The following CARS1 variants were observed in gnomAD, a reference collection of about 807,000 sequenced individuals.
CARS1 encodes the protein cysteinyl-tRNA synthetase 1, also known as cysteine--tRNA ligase, cytoplasmic.
In CARS1, 48 loss-of-function variants were observed where a neutral mutation model predicts 106.2. The ratio of observed to expected loss-of-function variants is 0.45; its 90% CI spans 0.36 to 0.57. The LOEUF (loss-of-function observed/expected upper bound fraction) is 0.57. Ranked by LOEUF, CARS1 falls within the 20% of genes least tolerant of loss-of-function variation. CARS1 has a pLI of 0.00. For synonymous variants in CARS1, 409 were observed against 403.4 expected, an observed-to-expected ratio of 1.01 and a Z score of -0.17; for missense variants, 968 against 1,057.2, an observed-to-expected ratio of 0.92 and a Z score of 1.17.
intron 20 of CARS1, among the ~76,000 whole-genome samples, chr11:3,005,107 C>CAAAA (rs71035465): frequency 6.6e-5 from 6 of 90,676 alleles, no homozygotes; most frequent in African/African-American, 1.4e-4. Context: ...GACTCCGTCT[C>CAAAA]AAAAAAAAAA....
At chr11:3,035,720 A>C (rs1853526011) in intron 7 of CARS1, among the ~76,000 whole-genome samples, 1 of 152,218 alleles carries the variant, frequency 6.6e-6, no homozygotes, top group African/African-American at 2.4e-5. Flanking sequence ...TCCTGGGCTC[A>C]AGTGATCCTC....
intron 19 of CARS1, among the ~76,000 whole-genome samples, chr11:3,006,540 A>C (rs775523386): frequency 1.3e-5 from 2 of 152,272 alleles, no homozygotes; most frequent in African/African-American, 4.8e-5. Flanking sequence ...ACAAGCATGC[A>C]ATCTGTTGAC....
intron 20 of CARS1, 58 bp from the exon 21 acceptor site, chr11:3,002,658 C>G (rs1055384073): frequency 1.9e-6 from 3 of 1,608,352 alleles, no homozygotes; most frequent in Admixed American, 1.7e-5. Flanking sequence ...CTGGGTCTCT[C>G]GGAGTGAGAG....
At chr11:3,011,790 C>G (rs992956950) in intron 18 of CARS1, among the ~76,000 whole-genome samples, 12 of 152,206 alleles carry the variant, frequency 7.9e-5, no homozygotes, top group African/African-American at 2.7e-4. Context: ...GCGCACCCAG[C>G]CTACCAGGTC....
In CARS1 at chr11:3,040,607, G is replaced by A; in HGVS notation, c.455+289C>T. On this transcript the variant is annotated intron_variant, in intron 4 of 22. Transcript: ENST00000380525. This position sits in a 1 kb window ranked among gnomAD's most constrained non-coding sequence, Gnocchi z 5.8. ...CTTGAGGGATGAGAGAAAACTTTAA[G>A]GTATGTGAGAAAAAGTGCCCAGGTC... 1.7e-6 allele frequency: 1 copy of A among 594,540 alleles called. No individual in the cohort carries two copies. Among genetic ancestry groups the A allele is most frequent in the Non-Finnish European group, 3.1e-6 (1 of 317,730 alleles). The allele number at this position is 594,540 out of a possible 1,614,324, so 36.8% of individuals were successfully genotyped here. A position where few individuals can be genotyped will look rare whatever the true frequency, so the allele number is the denominator to read the frequency against.
chr11:3,031,895 A>G (rs763910858), intron 7 of CARS1, among the ~76,000 whole-genome samples: 1 of 152,226 alleles, frequency 6.6e-6, no homozygotes, highest in Non-Finnish European at 1.5e-5. Context: ...CTCACAGTGA[A>G]TATTGGAGAA....
chr11:3,007,188 C>T (rs1221926219), intron 18 of CARS1: 7 of 579,242 alleles, frequency 1.2e-5, no homozygotes, highest in African/African-American at 3.7e-5. Flanking sequence ...TAGTGTCTCC[C>T]GTAAGCCCAG....
chr11:3,049,467 G>T (rs1308317243), intron 1 of CARS1, among the ~76,000 whole-genome samples: 1 of 152,242 alleles, frequency 6.6e-6, no homozygotes, highest in Non-Finnish European at 1.5e-5. Flanking sequence ...CCCTAAAGTG[G>T]GGGCAGACCA....
chr11:3,057,399 A>C lies in CARS1; in HGVS notation c.-32T>G. ...GAATCCCGGACCCGCAGCTGCGGCT[A>C]CAGACACTTCCTAGAATCTGATGCA... On this transcript the variant is annotated 5_prime_UTR_variant, in exon 1 of 23. Transcript: ENST00000380525. The C allele has an allele frequency of 6.2e-7, 1 of 1,604,228 alleles. No homozygotes were observed. The highest frequency in any genetic ancestry group is 8.5e-7 in the Non-Finnish European group (1 of 1,174,282).
At chr11:3,006,840 T>A (rs760412119) in intron 19 of CARS1, 39 bp downstream of exon 19, 1 of 1,528,584 alleles carries the variant, frequency 6.5e-7, no homozygotes, top group South Asian at 1.1e-5. Flanking sequence ...CTCTCCAAGC[T>A]CCTGGTAACT....
Position 3,019,801 on chromosome 11 carries a change from A to T in CARS1, c.1266+419T>A, listed in dbSNP as rs1300441792. Among the ~76,000 whole-genome samples the T allele has an allele frequency of 6.6e-6, 1 of 152,008 alleles. No individual in the cohort carries two copies. Among genetic ancestry groups the T allele is most frequent in the Admixed American group, 6.5e-5 (1 of 15,274 alleles). On this transcript the variant is annotated intron_variant, in intron 11 of 22. Coordinates refer to ENST00000380525, the MANE Select transcript of CARS1 (RefSeq NM_001014437.3). This position sits in a 1 kb window ranked among gnomAD's most constrained non-coding sequence, Gnocchi z 6.2. ...GGTTTAGGTGAAGTTACTGAATTAC[A>T]TCCAGACCTCTGAGCCCTTGACAGC...
chr11:3,029,257 G>T lies in CARS1; in HGVS notation c.942+46C>A, dbSNP rs1447633459. ...GCCAAAACAGGAATTTAGAAATCAG[G>T]GCCCTTAGCGCAAGAGAGCCAGCAC... On this transcript the variant is annotated intron_variant, in intron 8 of 22. Transcript: ENST00000380525. This position sits in a 1 kb window ranked among gnomAD's most constrained non-coding sequence, Gnocchi z 5.9. The T allele has an allele frequency of 6.3e-7, 1 of 1,599,358 alleles. No homozygotes were observed. The highest frequency in any genetic ancestry group is 1.7e-5 in the Admixed American group (1 of 59,286).
chr11:3,018,900 G>C (rs1198173158), intron 12 of CARS1, 151 bp from the exon 13 acceptor site: 1 of 1,178,284 alleles, frequency 8.5e-7, no homozygotes, highest in Admixed American at 2.7e-5. Context: ...GACAGCCCAG[G>C]TTAATAAGCC....
In CARS1 at chr11:3,028,030, T is replaced by G. The variant is rs150257528; in HGVS notation, c.1031+966A>C. ...CGGTCACGCTCCTAGTCCTCCTTCA[T>G]GTTCCATCCTGTACACCTGGCTCTA... On this transcript the variant is annotated intron_variant, in intron 9 of 22. Transcript: ENST00000380525. This position sits in a 1 kb window ranked among gnomAD's most constrained non-coding sequence, Gnocchi z 4.4. The G allele has an allele frequency of 7.7e-3, 2,559 of 331,264 alleles. 59 individuals are homozygous for G. Among genetic ancestry groups the G allele is most frequent in the African/African-American group, 0.05 (2,367 of 46,914 alleles). 20.5% of individuals were successfully genotyped at this position (331,264 alleles called of 1,614,324 possible). A position where few individuals can be genotyped will look rare whatever the true frequency, so the allele number is the denominator to read the frequency against.
In CARS1 at chr11:3,047,733, G is replaced by A. The variant is rs201790699; in HGVS notation, c.274+20C>T. The A allele has an allele frequency of 3.1e-6, 5 of 1,594,616 alleles. No homozygotes were observed. The African/African-American group carries it at 4.0e-5, about 13-fold the overall frequency. On this transcript the variant is annotated intron_variant, in intron 2 of 22. Coordinates refer to ENST00000380525, the MANE Select transcript of CARS1 (RefSeq NM_001014437.3). ...TGGGAGAGAGGTTCTAATGGCCAGGGAACCCACTCTGTTACTCACTTGCTT... is the reference window on the plus strand; with the variant it reads ...TGGGAGAGAGGTTCTAATGGCCAGGAAACCCACTCTGTTACTCACTTGCTT...
chr11:3,052,762 G>C lies in CARS1; in HGVS notation c.25+4581C>G, dbSNP rs1270723473. Reference sequence around the variant, plus strand: ...TGTCTCGAGGAAACAAATAAAAATAGGTCAGCTTTCAAGTGGTCATGGGTT... The same window carrying C: ...TGTCTCGAGGAAACAAATAAAAATACGTCAGCTTTCAAGTGGTCATGGGTT... On this transcript the variant is annotated intron_variant, in intron 1 of 22. Coordinates refer to ENST00000380525, the MANE Select transcript of CARS1 (RefSeq NM_001014437.3). This position sits in a 1 kb window ranked among gnomAD's most constrained non-coding sequence, Gnocchi z 4.6. 2.6e-5 allele frequency among the ~76,000 whole-genome samples: 4 copies of C among 152,340 alleles called. No individual in the cohort carries two copies. Among genetic ancestry groups the C allele is most frequent in the African/African-American group, 9.6e-5 (4 of 41,580 alleles).
chr11:3,027,922 C>T, intron 9 of CARS1: 1 of 450,762 alleles, frequency 2.2e-6, no homozygotes, highest in Non-Finnish European at 4.4e-6. Context: ...GCTCCTCCAC[C>T]TCTTGTGGAG....
Position 3,047,897 on chromosome 11 carries a change from A to G in CARS1, c.130T>C (p.Ser44Pro). Residue 44 changes from serine to proline, a missense_variant, in exon 2 of 23, where the codon TCC (serine) becomes CCC (proline). Ser to Pro is a moderately conservative substitution (Grantham distance 74). Coordinates refer to ENST00000380525, the MANE Select transcript of CARS1 (RefSeq NM_001014437.3). ...TRSYVQGYSL[S>P]QADVDAFRQL... ...CTGAACGCGTCCACGTCTGCCTGGGACAGTGAGTACCCCTGGACATAGCTA... is the reference window on the plus strand; with the variant it reads ...CTGAACGCGTCCACGTCTGCCTGGGGCAGTGAGTACCCCTGGACATAGCTA... 3 of 1,614,036 alleles carry G rather than the reference A, an allele frequency of 1.9e-6. No individual in the cohort carries two copies. The highest frequency in any genetic ancestry group is 2.5e-6 in the Non-Finnish European group (3 of 1,180,008).
chr11:3,042,108 TC>T, intron 3 of CARS1, 56 bp downstream of exon 3: 1 of 1,319,664 alleles, frequency 7.6e-7, no homozygotes, highest in East Asian at 2.3e-5. Flanking sequence ...ACATGGGCTG[TC>T]CTGCCTCCTG....
Sources: gnomAD v4.1 joint callset for allele counts (sites outside exome capture counted in the v4.1 genomes callset) on GRCh38, gnomAD v4.1.1 for gene constraint, Gnocchi (gnomAD v3.1) non-coding constraint, MANE v1.5 for transcripts, NCBI Gene and HGNC (gene_info 2026-07-23, HGNC 2026-07-21) for gene names.